Variants in TICAM1 observed in about 807,000 individuals in gnomAD.
TICAM1 encodes TIR domain containing adaptor molecule 1, also known as TIR domain-containing adapter molecule 1.
For missense variants in TICAM1, 895 were observed against 938.2 expected (o/e 0.95, Z 0.60); for synonymous variants, 439 against 415.4 (o/e 1.06, Z -0.69).
At position 4,817,957 on chromosome 19, in the gene TICAM1, G is replaced by C. The variant is rs387907307; in HGVS notation, c.421C>G (p.Arg141Gly). The change falls in exon 2 of 2, where the codon CGA becomes GGA. Residue 141 changes from arginine to glycine, a missense_variant. Coordinates refer to ENST00000248244, the MANE Select transcript of TICAM1 (RefSeq NM_182919.4). This position sits in a 1 kb window ranked among gnomAD's most constrained non-coding sequence, Gnocchi z 4.7. ...HRLGELQDEA[R>G]NRCGWDIAGD... ...GCAATGTCCCACCCACACCGGTTTC[G>C]GGCCTCATCCTGAAGTTCCCCCAGC... is the stretch of plus-strand genomic sequence containing the variant. 2 of 1,613,698 alleles carry C rather than the reference G, an allele frequency of 1.2e-6. No homozygotes were observed. Among genetic ancestry groups the C allele is most frequent in the Admixed American group, 1.7e-5 (1 of 60,000 alleles).
Position 4,817,389 on chromosome 19 carries a change from T to G in TICAM1, c.989A>C (p.Asp330Ala), listed in dbSNP as rs750536106. 8.1e-6 allele frequency: 13 copies of G among 1,613,800 alleles called. No individual in the cohort carries two copies. The South Asian group carries it at 1.4e-4, about 18-fold the overall frequency. The part of the protein sequence containing the change: ...EPVKNPCSVK[D>A]QTPLQLSVED... ...TACAGAAAGTTGGAGTGGCGTCTGGTCTTTGACAGAGCAGGGGTTTTTGAC... is the reference window on the plus strand; with the variant it reads ...TACAGAAAGTTGGAGTGGCGTCTGGGCTTTGACAGAGCAGGGGTTTTTGAC... The change falls in exon 2 of 2, where the codon GAC (aspartate) becomes GCC (alanine). Residue 330 changes from aspartate to alanine, a missense_variant. Physicochemically the swap from Asp to Ala is moderately radical, Grantham distance 126. Transcript: ENST00000248244. The surrounding 1 kb of genome is among the most constrained non-coding windows in gnomAD (Gnocchi z 4.7).
At chr19:4,826,076 G>A (rs1267789950) in intron 1 of TICAM1, among the ~76,000 whole-genome samples, 6 of 151,520 alleles carry the variant, frequency 4.0e-5, no homozygotes, top group African/African-American at 1.2e-4. Context: ...TCAGAGGATC[G>A]CCTGAGGCCA....
At position 4,816,817 on chromosome 19, in the gene TICAM1, C is replaced by G; in HGVS notation, c.1561G>C (p.Ala521Pro). 1.2e-6 allele frequency: 2 copies of G among 1,612,860 alleles called. No individual in the cohort carries two copies. The highest frequency in any genetic ancestry group is 1.1e-5 in the South Asian group (1 of 91,084). Residue 521 changes from alanine (A) to proline (P), a missense_variant, in exon 2 of 2, where the codon GCC becomes CCC. Coordinates refer to ENST00000248244, the MANE Select transcript of TICAM1 (RefSeq NM_182919.4). This position sits in a 1 kb window ranked among gnomAD's most constrained non-coding sequence, Gnocchi z 4.3. ...VRLDEHSQIF[A>P]RKVANTFKPH... is the part of the protein sequence containing the mutation. ...TTGAAGGTGTTGGCCACCTTCCTGG[C>G]GAAGATCTGGGAGTGTTCGTCCAGC...
In TICAM1 at chr19:4,818,599, T is replaced by TC. The variant is rs1485127611; in HGVS notation, c.-139-84dup. On this transcript the variant is annotated intron_variant, in intron 1 of 1. Transcript: ENST00000248244. The surrounding 1 kb of genome is among the most constrained non-coding windows in gnomAD (Gnocchi z 4.0). ...GCGGCCCACACACCCCCGCCTGCTT[T>TC]CCCCGCCTGCCACCCAGACCTAGCC... 18 of 932,528 alleles carry TC rather than the reference T, an allele frequency of 1.9e-5. No homozygotes were observed. The highest frequency in any genetic ancestry group is 2.7e-5 in the Non-Finnish European group (18 of 673,618). 57.8% of individuals were successfully genotyped at this position (932,528 alleles called of 1,614,324 possible).
intron 1 of TICAM1, among the ~76,000 whole-genome samples, chr19:4,825,002 G>A (rs1308456875): frequency 1.3e-5 from 2 of 151,088 alleles, no homozygotes; most frequent in Non-Finnish European, 3.0e-5. Context: ...GAGGAGGGTC[G>A]GGAGCGGTGG....
At position 4,817,934 on chromosome 19, in the gene TICAM1, A is replaced by T. The variant is rs1324247625; in HGVS notation, c.444T>A (p.Ile148=). 1 of 1,613,920 alleles carries T rather than the reference A, an allele frequency of 6.2e-7. No individual in the cohort carries two copies. Among genetic ancestry groups the T allele is most frequent in the Non-Finnish European group, 8.5e-7 (1 of 1,179,990 alleles). Residue 148 remains isoleucine (I), a synonymous_variant, in exon 2 of 2, where the codon ATT becomes ATA. Transcript: ENST00000248244. The surrounding 1 kb of genome is among the most constrained non-coding windows in gnomAD (Gnocchi z 4.7). ...DEARNRCGWD[I]AGDPGSIRTL... ...TCCGGATGCTCCCTGGATCCCCAGC[A>T]ATGTCCCACCCACACCGGTTTCGGG... is the stretch of plus-strand genomic sequence containing the variant.
chr19:4,823,841 G>A (rs2093601686), intron 1 of TICAM1, among the ~76,000 whole-genome samples: 1 of 151,992 alleles, frequency 6.6e-6, no homozygotes. Flanking sequence ...AGCCATCCGG[G>A]CTGGGGCACT....
Position 4,818,582 on chromosome 19 carries a change from C to A in TICAM1, c.-139-66G>T, listed in dbSNP as rs2093592060. ...AAGGTCAGCACGGGAAGGCGGCCCA[C>A]ACACCCCCGCCTGCTTTCCCCGCCT... is the stretch of plus-strand genomic sequence containing the variant. On this transcript the variant is annotated intron_variant, in intron 1 of 1. Transcript: ENST00000248244. This position sits in a 1 kb window ranked among gnomAD's most constrained non-coding sequence, Gnocchi z 4.0. 1 of 1,135,558 alleles carries A rather than the reference C, an allele frequency of 8.8e-7. No individual in the cohort carries two copies. Among genetic ancestry groups the A allele is most frequent in the Non-Finnish European group, 1.2e-6 (1 of 846,592 alleles). 70.3% of individuals were successfully genotyped at this position (1,135,558 alleles called of 1,614,324 possible).
rs201239888 is a variant in TICAM1, at chr19:4,818,342, G to A, written c.36C>T (p.Phe12=). 6 of 1,610,756 alleles carry A rather than the reference G, an allele frequency of 3.7e-6. No individual in the cohort carries two copies. The highest frequency in any genetic ancestry group is 5.1e-6 in the Non-Finnish European group (6 of 1,178,888). ...CCTGGCCTGCTGCACCTAGAATGTC[G>A]AAGGCGCTAGGAAGTGATGGGCCTG... ...ACTGPSLPSA[F]DILGAAGQDK... is the part of the protein sequence containing the mutation. Residue 12 remains phenylalanine, a synonymous_variant, in exon 2 of 2, where the codon TTC becomes TTT. Transcript: ENST00000248244. The surrounding 1 kb of genome is among the most constrained non-coding windows in gnomAD (Gnocchi z 4.0).
chr19:4,830,809 T>C (rs896609710), intron 1 of TICAM1, among the ~76,000 whole-genome samples: 4 of 152,026 alleles, frequency 2.6e-5, no homozygotes, highest in Non-Finnish European at 2.9e-5. Flanking sequence ...GGAGGTAACA[T>C]TGAGCTGAGA....
chr19:4,816,942 C>T lies in TICAM1; in HGVS notation c.1436G>A (p.Arg479Gln), dbSNP rs752524876. 12 of 1,613,862 alleles carry T rather than the reference C, an allele frequency of 7.4e-6. No homozygotes were observed. Among genetic ancestry groups the T allele is most frequent in the Admixed American group, 5.0e-5 (3 of 59,994 alleles). Residue 479 changes from arginine (R) to glutamine (Q), a missense_variant, in exon 2 of 2, where the codon CGA (arginine) becomes CAA (glutamine). By Grantham distance (43) the Arg-to-Gln change is conservative (BLOSUM62 1). Coordinates refer to ENST00000248244, the MANE Select transcript of TICAM1 (RefSeq NM_182919.4). The surrounding 1 kb of genome is among the most constrained non-coding windows in gnomAD (Gnocchi z 4.3). ...GATGACACAGTCTGGCGACCCCTGTCGCGTGAGGTTGCTCATCATGGCTTG... is the reference window on the plus strand; with the variant it reads ...GATGACACAGTCTGGCGACCCCTGTTGCGTGAGGTTGCTCATCATGGCTTG... ...VNQAMMSNLT[R>Q]QGSPDCVIPF...
chr19:4,830,766 G>A (rs866836280), intron 1 of TICAM1, among the ~76,000 whole-genome samples: 3 of 152,220 alleles, frequency 2.0e-5, no homozygotes, highest in Admixed American at 6.6e-5. Context: ...GGCTACAGGG[G>A]ACCACGGTGG....
intron 1 of TICAM1, among the ~76,000 whole-genome samples, chr19:4,825,820 A>G (rs74674065): frequency 0.043 from 6,559 of 151,952 alleles, 368 homozygotes; most frequent in African/African-American, 0.13. Flanking sequence ...TTAGCAGGGC[A>G]TGGTGGCAGG....
Position 4,817,920 on chromosome 19 carries a change from C to T in TICAM1, c.458G>A (p.Gly153Glu), listed in dbSNP as rs1371998685. ...ATTGGACTGGAGCGTCCGGATGCTC[C>T]CTGGATCCCCAGCAATGTCCCACCC... ...RCGWDIAGDP[G>E]SIRTLQSNLG... The change falls in exon 2 of 2, where the codon GGG becomes GAG. Residue 153 changes from glycine (G) to glutamate (E), a missense_variant. Gly to Glu is a moderately conservative substitution (Grantham distance 98, BLOSUM62 -2). Transcript: ENST00000248244. The surrounding 1 kb of genome is among the most constrained non-coding windows in gnomAD (Gnocchi z 4.7). 7 of 1,613,822 alleles carry T rather than the reference C, an allele frequency of 4.3e-6. No individual in the cohort carries two copies. The highest frequency in any genetic ancestry group is 5.9e-6 in the Non-Finnish European group (7 of 1,180,008).
In TICAM1 at chr19:4,827,397, A is replaced by G. The variant is rs1231374412; in HGVS notation, c.-140+4217T>C. 3.4e-5 allele frequency among the ~76,000 whole-genome samples: 5 copies of G among 148,054 alleles called. No individual in the cohort carries two copies. The South Asian group carries it at 6.4e-4, about 19-fold the overall frequency. On this transcript the variant is annotated intron_variant, in intron 1 of 1. Transcript: ENST00000248244. Reference sequence around the variant, plus strand: ...CAAAAAAAAAAAAAAAAAAAAAAAAAAAAAAAGAAAAAGGCCAGATGCCCA... The same window carrying G: ...CAAAAAAAAAAAAAAAAAAAAAAAAGAAAAAAGAAAAAGGCCAGATGCCCA...
chr19:4,828,451 G>A (rs1174158073), intron 1 of TICAM1, among the ~76,000 whole-genome samples: 1 of 151,770 alleles, frequency 6.6e-6, no homozygotes, highest in South Asian at 2.1e-4. Flanking sequence ...GGGCCCAAGC[G>A]ATCCTCCCAC....
intron 1 of TICAM1, among the ~76,000 whole-genome samples, chr19:4,826,194 G>T (rs1407719278): frequency 1.3e-5 from 2 of 151,590 alleles, no homozygotes; most frequent in Non-Finnish European, 2.9e-5. Context: ...TATGGAAGAT[G>T]CCTCATTCGT....
In TICAM1 at chr19:4,816,935, C is replaced by A; in HGVS notation, c.1443G>T (p.Gly481=). 2.5e-6 allele frequency: 4 copies of A among 1,613,966 alleles called. No individual in the cohort carries two copies. Among genetic ancestry groups the A allele is most frequent in the East Asian group, 4.5e-5 (2 of 44,864 alleles). ...QAMMSNLTRQ[G]SPDCVIPFLP... Reference sequence around the variant, plus strand: ...GGAAGGGGATGACACAGTCTGGCGACCCCTGTCGCGTGAGGTTGCTCATCA... The same window carrying A: ...GGAAGGGGATGACACAGTCTGGCGAACCCTGTCGCGTGAGGTTGCTCATCA... The change falls in exon 2 of 2, where the codon GGG becomes GGT. Residue 481 remains glycine, a synonymous_variant. Coordinates refer to ENST00000248244, the MANE Select transcript of TICAM1 (RefSeq NM_182919.4). The surrounding 1 kb of genome is among the most constrained non-coding windows in gnomAD (Gnocchi z 4.3).
At chr19:4,829,795 AATTTC>A (rs2093611240) in intron 1 of TICAM1, among the ~76,000 whole-genome samples, 1 of 147,158 alleles carries the variant, frequency 6.8e-6, no homozygotes, top group East Asian at 2.0e-4. Flanking sequence ...TTTGATTTTT[AATTTC>A]ATTTCTTTTT....
Sources: allele counts gnomAD v4.1 joint callset (sites outside exome capture counted in the v4.1 genomes callset), GRCh38; gene constraint gnomAD v4.1.1; non-coding constraint Gnocchi (gnomAD v3.1); transcripts MANE v1.5; gene names NCBI Gene and HGNC (gene_info 2026-07-23, HGNC 2026-07-21).